Variants in AGAP1 observed in about 807,000 individuals in gnomAD.
AGAP1 encodes the protein ArfGAP with GTPase domain, ankyrin repeat and PH domain 1, also known as arf-GAP with GTPase, ANK repeat and PH domain-containing protein 1.
In AGAP1, 29 loss-of-function variants were observed where a neutral mutation model predicts 105.3. The observed-to-expected ratio is 0.28, with a 90% CI of 0.21 to 0.38. The LOEUF is 0.38. Among genes scored for constraint, AGAP1 ranks in the 10% least tolerant of loss-of-function variants. The probability of loss-of-function intolerance (pLI) is 1.00; values close to 1 mark genes in which losing one functional copy is unlikely to be tolerated. For synonymous variants in AGAP1, 509 were observed against 485.9 expected (o/e 1.05, Z -0.63); for missense variants, 998 against 1,165.1 (o/e 0.86, Z 2.09).
chr2:235,927,930 T>C lies in AGAP1; in HGVS notation c.1325-2835T>C, dbSNP rs1294720352. On this transcript the variant is annotated intron_variant, in intron 11 of 17. Coordinates refer to ENST00000304032, the MANE Select transcript of AGAP1 (RefSeq NM_001037131.3). The surrounding 1 kb of genome is among the most constrained non-coding windows in gnomAD (Gnocchi z 4.4). ...TAAAGCTGGTATAAAATGAGGTCTG[T>C]GGACAGATGGCATGCTTAATAATGA... 6.6e-6 allele frequency among the ~76,000 whole-genome samples: 1 copy of C among 152,216 alleles called. No homozygotes were observed. The highest frequency in any genetic ancestry group is 6.5e-5 in the Admixed American group (1 of 15,288).
intron 1 of AGAP1, among the ~76,000 whole-genome samples, chr2:235,658,544 G>C (rs867518786): frequency 6.6e-6 from 1 of 152,190 alleles, no homozygotes; most frequent in African/African-American, 2.4e-5. Context: ...GTGGAGCAGA[G>C]TGTCCGGGTG....
chr2:235,589,856 AGG>A (rs952340789), intron 1 of AGAP1, among the ~76,000 whole-genome samples: 2 of 151,726 alleles, frequency 1.3e-5, no homozygotes, highest in African/African-American at 4.8e-5. Context: ...CTCTTAGGAA[AGG>A]GTTTGGGAAT....
intron 1 of AGAP1, among the ~76,000 whole-genome samples, chr2:235,520,985 G>C (rs1942591006): frequency 6.6e-6 from 1 of 152,196 alleles, no homozygotes; most frequent in South Asian, 2.1e-4. Flanking sequence ...TCACAGGAAA[G>C]ATAAAGATGG....
rs1949666393 is a variant in AGAP1, at chr2:235,690,066, T to C, written c.164-19113T>C. Among the ~76,000 whole-genome samples, 1 of 152,082 alleles carries C rather than the reference T, an allele frequency of 6.6e-6. No individual in the cohort carries two copies. On this transcript the variant is annotated intron_variant, in intron 1 of 17. Transcript: ENST00000304032. The surrounding 1 kb of genome is among the most constrained non-coding windows in gnomAD (Gnocchi z 4.1). ...TGGGAGTTCTAAGCCCCTGGGTGTC[T>C]CTCCCTCGGGGTTTTCATGCAGTAT...
chr2:235,724,365 A>G lies in AGAP1; in HGVS notation c.310+6721A>G, dbSNP rs2149579157. Among the ~76,000 whole-genome samples, 1 of 152,346 alleles carries G rather than the reference A, an allele frequency of 6.6e-6. No individual in the cohort carries two copies. The highest frequency in any genetic ancestry group is 1.5e-5 in the Non-Finnish European group (1 of 68,026). On this transcript the variant is annotated intron_variant, in intron 3 of 17. Transcript: ENST00000304032. The surrounding 1 kb of genome is among the most constrained non-coding windows in gnomAD (Gnocchi z 4.9). ...CTCCCATCTTCCCAGCTCGGGCCACACATAGGCAGCAGCTGCCCCCATGCT... is the reference window on the plus strand; with the variant it reads ...CTCCCATCTTCCCAGCTCGGGCCACGCATAGGCAGCAGCTGCCCCCATGCT...
At chr2:235,500,829 A>G (rs976785153) in intron 1 of AGAP1, among the ~76,000 whole-genome samples, 1 of 152,184 alleles carries the variant, frequency 6.6e-6, no homozygotes, top group Non-Finnish European at 1.5e-5. Context: ...CCAGCAAACA[A>G]AAGACAGAGG....
intron 13 of AGAP1, among the ~76,000 whole-genome samples, chr2:236,015,783 T>C (rs984037139): frequency 2.0e-5 from 3 of 152,194 alleles, no homozygotes; most frequent in African/African-American, 7.2e-5. Context: ...CTAACACTAA[T>C]TGACTTATTT....
intron 1 of AGAP1, among the ~76,000 whole-genome samples, chr2:235,509,896 C>T (rs537610786): frequency 6.6e-6 from 1 of 152,174 alleles, no homozygotes; most frequent in South Asian, 2.1e-4. Flanking sequence ...ACTCCCTTTG[C>T]CTTGTGTTAC....
At chr2:235,955,234 C>T (rs767872461) in intron 12 of AGAP1, among the ~76,000 whole-genome samples, 23 of 152,180 alleles carry the variant, frequency 1.5e-4, no homozygotes, top group Non-Finnish European at 2.9e-4. Flanking sequence ...AGTTTTCTCC[C>T]TGACCTCCAT....
At position 236,056,247 on chromosome 2, in the gene AGAP1, C is replaced by G. The variant is rs1233080573; in HGVS notation, c.2114+6966C>G. 1.3e-5 allele frequency among the ~76,000 whole-genome samples: 2 copies of G among 152,224 alleles called. No individual in the cohort carries two copies. Among genetic ancestry groups the G allele is most frequent in the African/African-American group, 4.8e-5 (2 of 41,458 alleles). ...AGAATGGTGCTCTCGGTTTATCATG[C>G]CGCCTGCCACACAGGAACCCCAGTT... On this transcript the variant is annotated intron_variant, in intron 16 of 17. Transcript: ENST00000304032. The surrounding 1 kb of genome is among the most constrained non-coding windows in gnomAD (Gnocchi z 4.6).
chr2:235,702,748 C>G (rs1301052504), intron 1 of AGAP1, among the ~76,000 whole-genome samples: 5 of 152,088 alleles, frequency 3.3e-5, no homozygotes, highest in Admixed American at 1.3e-4. Flanking sequence ...GCAGCGAGTA[C>G]AAGTAGCACA....
At position 235,967,256 on chromosome 2, in the gene AGAP1, T is replaced by C. The variant is rs1003585840; in HGVS notation, c.1484-1206T>C. On this transcript the variant is annotated intron_variant, in intron 12 of 17. Transcript: ENST00000304032. This position sits in a 1 kb window ranked among gnomAD's most constrained non-coding sequence, Gnocchi z 4.7. Reference sequence around the variant, plus strand: ...CATTACCTTCTCACTCCTCTGCCATTTTCAAGTCTTGATTCAGTGTCCCGT... The same window carrying C: ...CATTACCTTCTCACTCCTCTGCCATCTTCAAGTCTTGATTCAGTGTCCCGT... Among the ~76,000 whole-genome samples, 4 of 152,134 alleles carry C rather than the reference T, an allele frequency of 2.6e-5. No individual in the cohort carries two copies. The highest frequency in any genetic ancestry group is 4.4e-5 in the Non-Finnish European group (3 of 68,020).
In AGAP1 at chr2:235,736,771, G is replaced by A. The variant is rs1952279897; in HGVS notation, c.311-4192G>A. On this transcript the variant is annotated intron_variant, in intron 3 of 17. Coordinates refer to ENST00000304032, the MANE Select transcript of AGAP1 (RefSeq NM_001037131.3). This position sits in a 1 kb window ranked among gnomAD's most constrained non-coding sequence, Gnocchi z 5.5. ...TGGGAGGATCTTTTGAGCCTAGGCAGTCGAGGCTGCAGTGAGTCATGTCCG... is the reference window on the plus strand; with the variant it reads ...TGGGAGGATCTTTTGAGCCTAGGCAATCGAGGCTGCAGTGAGTCATGTCCG... Among the ~76,000 whole-genome samples, 2 of 152,186 alleles carry A rather than the reference G, an allele frequency of 1.3e-5. No individual in the cohort carries two copies. Among genetic ancestry groups the A allele is most frequent in the Admixed American group, 1.3e-4 (2 of 15,278 alleles).
At chr2:235,564,420 G>T (rs1944272800) in intron 1 of AGAP1, among the ~76,000 whole-genome samples, 1 of 152,176 alleles carries the variant, frequency 6.6e-6, no homozygotes, top group African/African-American at 2.4e-5. Flanking sequence ...AGTTGCTCAG[G>T]CCAAATAACC....
intron 1 of AGAP1, among the ~76,000 whole-genome samples, chr2:235,572,995 TTC>T (rs1944587431): frequency 1.8e-4 from 4 of 21,958 alleles, no homozygotes; most frequent in Non-Finnish European, 8.1e-5. Flanking sequence ...CTTCTTCTTC[TTC>T]TTCTTCTTCT....
At position 235,791,963 on chromosome 2, in the gene AGAP1, C is replaced by T. The variant is rs11887634; in HGVS notation, c.674-5796C>T. On this transcript the variant is annotated intron_variant, in intron 6 of 17. Transcript: ENST00000304032. ...ATAAATTTTGCTTTTAAAATATTTTCGTGGAGTAAAATTAGTGTTTAGTCT... is the reference window on the plus strand; with the variant it reads ...ATAAATTTTGCTTTTAAAATATTTTTGTGGAGTAAAATTAGTGTTTAGTCT... Among the ~76,000 whole-genome samples the T allele has an allele frequency of 3.7e-3, 557 of 152,266 alleles. 2 individuals are homozygous for T. The highest frequency in any genetic ancestry group is 0.013 in the African/African-American group (534 of 41,550).
In AGAP1 at chr2:236,082,124, G is replaced by A. The variant is rs759930278; in HGVS notation, c.2114+32843G>A. Among the ~76,000 whole-genome samples, 44 of 152,114 alleles carry A rather than the reference G, an allele frequency of 2.9e-4. 1 individual carries two copies. The highest frequency in any genetic ancestry group is 5.0e-4 in the Non-Finnish European group (34 of 68,024). ...CCTCTGGTGCCCTTTTCTTTCCCCC[G>A]ATCACATTTGCTAGATGTCCATTTC... On this transcript the variant is annotated intron_variant, in intron 16 of 17. Transcript: ENST00000304032. This position sits in a 1 kb window ranked among gnomAD's most constrained non-coding sequence, Gnocchi z 4.2.
intron 13 of AGAP1, among the ~76,000 whole-genome samples, chr2:236,008,721 C>G (rs1015008406): frequency 2.6e-5 from 4 of 152,292 alleles, no homozygotes; most frequent in Non-Finnish European, 1.5e-5. Context: ...CCTACGTTAG[C>G]CCACTATGTA....
chr2:235,934,242 G>A lies in AGAP1; in HGVS notation c.1483+3319G>A, dbSNP rs1247094087. On this transcript the variant is annotated intron_variant, in intron 12 of 17. Transcript: ENST00000304032. The surrounding 1 kb of genome is among the most constrained non-coding windows in gnomAD (Gnocchi z 4.9). ...TATAGCAAGCCCTCTGGGATCACAT[G>A]GCATGCTGAAGCTTGGGAACCACTG... Among the ~76,000 whole-genome samples the A allele has an allele frequency of 1.3e-5, 2 of 152,182 alleles. No individual in the cohort carries two copies. Among genetic ancestry groups the A allele is most frequent in the Non-Finnish European group, 2.9e-5 (2 of 68,046 alleles).
Sources: gnomAD v4.1 joint callset for allele counts (sites outside exome capture counted in the v4.1 genomes callset) on GRCh38, gnomAD v4.1.1 for gene constraint, Gnocchi (gnomAD v3.1) non-coding constraint, MANE v1.5 for transcripts, NCBI Gene and HGNC (gene_info 2026-07-23, HGNC 2026-07-21) for gene names.